Variants in ZFP90 observed in about 807,000 individuals in gnomAD.
The protein encoded by ZFP90 is ZFP90 zinc finger protein.
A neutral mutation model predicts 60.8 loss-of-function variants in ZFP90; 38 were observed. The observed-to-expected ratio is 0.62, with a 90% CI of 0.48 to 0.82. The LOEUF (loss-of-function observed/expected upper bound fraction) is 0.82, where lower values mean the gene tolerates loss of function less well. ZFP90 is among the 40% of genes least tolerant of loss of function. The pLI is 0.00. For missense variants in ZFP90, 711 were observed against 759.1 expected (o/e 0.94, Z 0.74); for synonymous variants, 287 against 264.8 (o/e 1.08, Z -0.82).
intron 2 of ZFP90, among the ~76,000 whole-genome samples, chr16:68,548,804 T>C (rs1413258707): frequency 6.6e-6 from 1 of 152,146 alleles, no homozygotes; most frequent in Non-Finnish European, 1.5e-5. Context: ...CCTCCTATCT[T>C]TAAGTTCATC....
At chr16:68,553,421 G>C (rs1164787928) in intron 2 of ZFP90, among the ~76,000 whole-genome samples, 1 of 152,108 alleles carries the variant, frequency 6.6e-6, no homozygotes, top group Admixed American at 6.6e-5. Flanking sequence ...GTGTCTTCCA[G>C]GAATCAGAAG....
rs944770768 is a variant in ZFP90, at chr16:68,566,835, T to C, written c.*2137T>C. The C allele has an allele frequency of 4.8e-5, 47 of 985,600 alleles. No individual in the cohort carries two copies. The highest frequency in any genetic ancestry group is 5.2e-4 in the Middle Eastern group (1 of 1,914). 61.1% of individuals were successfully genotyped at this position (985,600 alleles called of 1,614,324 possible). A position where few individuals can be genotyped will look rare whatever the true frequency, so the allele number is the denominator to read the frequency against. On this transcript the variant is annotated 3_prime_UTR_variant, in exon 5 of 5. Coordinates refer to ENST00000563169, the MANE Select transcript of ZFP90 (RefSeq NM_001305203.2). ...AGGAATGGCATGAATTGTAACCAAC[T>C]GAGTGCTGCCCCCACTGTTACGGAA...
chr16:68,558,692 G>C, intron 4 of ZFP90, 124 bp downstream of exon 4: 2 of 780,764 alleles, frequency 2.6e-6, no homozygotes, highest in Non-Finnish European at 4.2e-6. Flanking sequence ...TGAAGCCATC[G>C]CCTGGCCGAC....
Position 68,563,171 on chromosome 16 carries a change from C to T in ZFP90, c.384C>T (p.Asp128=). 1.2e-6 allele frequency: 2 copies of T among 1,614,130 alleles called. No homozygotes were observed. Among genetic ancestry groups the T allele is most frequent in the Non-Finnish European group, 1.7e-6 (2 of 1,180,026 alleles). Reference sequence around the variant, plus strand: ...CCTGGGATGTTAGCAGCCAGTTAGACAGGCAACAGGAAAACTGGAAGAGAC... The same window carrying T: ...CCTGGGATGTTAGCAGCCAGTTAGATAGGCAACAGGAAAACTGGAAGAGAC... ...EDSWDVSSQL[D]RQQENWKRHL... Residue 128 remains aspartate, a synonymous_variant, in exon 5 of 5, where the codon GAC becomes GAT. Coordinates refer to ENST00000563169, the MANE Select transcript of ZFP90 (RefSeq NM_001305203.2).
At chr16:68,547,306 A>G (rs1111502) in intron 2 of ZFP90, among the ~76,000 whole-genome samples, 116,591 of 152,194 alleles carry the variant, frequency 0.77, 44,760 homozygotes, top group East Asian at 0.82. Context: ...CATCCTAACC[A>G]GTGTGAGGTG....
rs551779570 is a variant in ZFP90 at position 68,548,474 on chromosome 16, C to CTTTTTTTTTTTTTTTTTTT, written c.33+8661_33+8679dup. Among the ~76,000 whole-genome samples, 3 of 81,048 alleles carry CTTTTTTTTTTTTTTTTTTT rather than the reference C, an allele frequency of 3.7e-5. 1 individual carries two copies. The highest frequency in any genetic ancestry group is 2.1e-5 in the Non-Finnish European group (1 of 47,566). The allele number at this position is 81,048 out of a possible 152,430, so 53.2% of individuals were successfully genotyped here. On this transcript the variant is annotated intron_variant, in intron 2 of 4. Transcript: ENST00000563169. ...ATATTTCACTGTTCTGTTTATCCTC[C>CTTTTTTTTTTTTTTTTTTT]TTTTTTTTTTTTTTTTTTTTTTTTT...
At chr16:68,561,311 C>T (rs2091436533) in intron 4 of ZFP90, among the ~76,000 whole-genome samples, 1 of 152,206 alleles carries the variant, frequency 6.6e-6, no homozygotes, top group African/African-American at 2.4e-5. Context: ...CAGTATTATC[C>T]TTCTATTCCT....
At chr16:68,541,822 G>A (rs2091055472) in intron 2 of ZFP90, among the ~76,000 whole-genome samples, 1 of 152,130 alleles carries the variant, frequency 6.6e-6, no homozygotes, top group Non-Finnish European at 1.5e-5. Flanking sequence ...CTTTTCCATA[G>A]TGGGAGGATA....
At chr16:68,550,215 C>G (rs1378341770) in intron 2 of ZFP90, among the ~76,000 whole-genome samples, 1 of 152,130 alleles carries the variant, frequency 6.6e-6, no homozygotes, top group African/African-American at 2.4e-5. Context: ...AGGCATTTTA[C>G]ATTCTTTCCT....
intron 2 of ZFP90, among the ~76,000 whole-genome samples, chr16:68,555,438 A>G (rs768290232): frequency 1.9e-4 from 29 of 152,222 alleles, no homozygotes; most frequent in Non-Finnish European, 2.4e-4. Flanking sequence ...TGGTGTGTGG[A>G]TGTGGTCATG....
At chr16:68,557,176 T>A in intron 2 of ZFP90, 1 of 454,294 alleles carries the variant, frequency 2.2e-6, no homozygotes, top group South Asian at 1.6e-5. Flanking sequence ...TTTGTAGAGA[T>A]GGGGTTTTGC....
At chr16:68,550,324 A>G (rs1328198003) in intron 2 of ZFP90, among the ~76,000 whole-genome samples, 1 of 152,130 alleles carries the variant, frequency 6.6e-6, no homozygotes, top group Non-Finnish European at 1.5e-5. Flanking sequence ...TAGTGGCGCA[A>G]TCTTGGCTCA....
At chr16:68,561,842 G>A in intron 4 of ZFP90, among the ~76,000 whole-genome samples, 1 of 152,064 alleles carries the variant, frequency 6.6e-6, no homozygotes, top group African/African-American at 2.4e-5. Context: ...TAAGGAGTTT[G>A]GGGATTTAGG....
At chr16:68,535,242 C>T (rs150648482), upstream of ZFP90, among the ~76,000 whole-genome samples, 36 of 152,304 alleles carry the variant, frequency 2.4e-4, no homozygotes, top group Middle Eastern at 6.8e-3. Context: ...TTGGACCACC[C>T]AGGGACTGTG....
At chr16:68,562,976 A>G in intron 4 of ZFP90, 68 bp from the exon 5 acceptor site, 1 of 1,592,676 alleles carries the variant, frequency 6.3e-7, no homozygotes, top group East Asian at 2.2e-5. Flanking sequence ...GTCTTTCTTC[A>G]TTCCTACTCT....
At chr16:68,552,413 G>A (rs1317844345) in intron 2 of ZFP90, among the ~76,000 whole-genome samples, 1 of 152,166 alleles carries the variant, frequency 6.6e-6, no homozygotes, top group Non-Finnish European at 1.5e-5. Context: ...AGCTGTGCTA[G>A]AGAGAGGCCC....
Position 68,564,754 on chromosome 16 carries a change from G to A in ZFP90, c.*56G>A, listed in dbSNP as rs566387332. 8.8e-5 allele frequency: 134 copies of A among 1,531,044 alleles called. 1 individual carries two copies. In the South Asian group the frequency reaches 1.6e-3, roughly 18 times the overall value. 94.8% of individuals were successfully genotyped at this position (1,531,044 alleles called of 1,614,324 possible). A position where few individuals can be genotyped will look rare whatever the true frequency, so the allele number is the denominator to read the frequency against. ...CTTTAGCTAAAATGTTCTGATTCAGGATCAGAGGATTCTTAGAGAGCTTGG... is the reference window on the plus strand; with the variant it reads ...CTTTAGCTAAAATGTTCTGATTCAGAATCAGAGGATTCTTAGAGAGCTTGG... On this transcript the variant is annotated 3_prime_UTR_variant, in exon 5 of 5. Transcript: ENST00000563169.
Position 68,566,621 on chromosome 16 carries a change from C to T in ZFP90, c.*1923C>T. 1.0e-6 allele frequency: 1 copy of T among 985,576 alleles called. No individual in the cohort carries two copies. The allele number at this position is 985,576 out of a possible 1,614,324, so 61.1% of individuals were successfully genotyped here. A position where few individuals can be genotyped will look rare whatever the true frequency, so the allele number is the denominator to read the frequency against. On this transcript the variant is annotated 3_prime_UTR_variant, in exon 5 of 5. Transcript: ENST00000563169. ...TCTGCCCTTCTGAGATGCTGACCAT[C>T]CAAAACACCTTGTTTATGGTGCACC...
At chr16:68,574,209 A>G (rs1190686981) in intron 2 of ZFP90, 3 of 127,730 alleles carry the variant, frequency 2.3e-5, no homozygotes, top group African/African-American at 6.0e-5. Context: ...CTCCAGGTCA[A>G]TGTGTCTCCT....
Sources: gnomAD v4.1 joint callset for allele counts (sites outside exome capture counted in the v4.1 genomes callset) on GRCh38, gnomAD v4.1.1 for gene constraint, MANE v1.5 for transcripts, NCBI Gene and HGNC (gene_info 2026-07-23, HGNC 2026-07-21) for gene names.